NRXN2: variants seen among roughly 807,000 people sequenced by gnomAD.
NRXN2 encodes neurexin 2.
NRXN2 carries 29 observed loss-of-function variants against 128.8 expected under a neutral mutation model. The ratio of observed to expected loss-of-function variants is 0.23; its 90% CI spans 0.17 to 0.31. The LOEUF (loss-of-function observed/expected upper bound fraction) is 0.31, where lower values mean the gene tolerates loss of function less well. NRXN2 is among the 10% of genes least tolerant of loss of function. NRXN2 has a pLI of 1.00. For synonymous variants in NRXN2, 1,098 were observed against 1,075.2 expected (o/e 1.02, Z -0.41); for missense variants, 1,881 against 2,452.6 (o/e 0.77, Z 4.92).
At chr11:64,642,545 C>G (rs1388711635) in intron 17 of NRXN2, 1 of 1,608,354 alleles carries the variant, frequency 6.2e-7, no homozygotes, top group Non-Finnish European at 8.5e-7. Context: ...TTACCGTGGC[C>G]GCCGCGGGTG....
At chr11:64,643,280 C>T in intron 17 of NRXN2, 6 of 975,968 alleles carry the variant, frequency 6.1e-6, no homozygotes, top group Non-Finnish European at 7.2e-6. Flanking sequence ...AGGCGGGAGA[C>T]CGACGGCGAC....
intron 12 of NRXN2, among the ~76,000 whole-genome samples, chr11:64,652,510 T>C (rs2047614933): frequency 6.6e-6 from 1 of 152,102 alleles, no homozygotes; most frequent in Admixed American, 6.5e-5. Flanking sequence ...CACCCACACC[T>C]ATGACCAACA....
chr11:64,659,653 C>G (rs1222454817), intron 11 of NRXN2: 1 of 153,130 alleles, frequency 6.5e-6, no homozygotes, highest in Non-Finnish European at 1.5e-5. Flanking sequence ...TAATGTTGAA[C>G]AAGTCAATAC....
rs1423342493 is a variant in NRXN2, at chr11:64,688,711, G to C, written c.850+1694C>G. On this transcript the variant is annotated intron_variant, in intron 5 of 22. Transcript: ENST00000265459. ...GATGCTCGTTTATCTCCCACAGTTGGGGAGTCTGTAGCCCTACAAGTGTCC... is the reference window on the plus strand; with the variant it reads ...GATGCTCGTTTATCTCCCACAGTTGCGGAGTCTGTAGCCCTACAAGTGTCC... 1.0e-5 allele frequency: 10 copies of C among 985,188 alleles called. No homozygotes were observed. In the Admixed American group the frequency reaches 6.2e-4, roughly 61 times the overall value. 61.0% of individuals were successfully genotyped at this position (985,188 alleles called of 1,614,324 possible).
At chr11:64,613,714 TC>T (rs1055300109) in intron 22 of NRXN2, among the ~76,000 whole-genome samples, 5 of 152,144 alleles carry the variant, frequency 3.3e-5, no homozygotes, top group Non-Finnish European at 5.9e-5. Context: ...ACTACGGAGA[TC>T]CGGGGCTTAT....
At position 64,660,446 on chromosome 11, in the gene NRXN2, G is replaced by A. The variant is rs750644858; in HGVS notation, c.2275C>T (p.Arg759Cys). 20 of 1,614,192 alleles carry A rather than the reference G, an allele frequency of 1.2e-5. No homozygotes were observed. Among genetic ancestry groups the A allele is most frequent in the Admixed American group, 1.7e-5 (1 of 60,024 alleles). ...CCGTAGGCCCGCTGGGACATGAAAC[G>A]CAGGGACACATCCTCTGCCTCCGTG... ...MHTEAEDVSLRFMSQRAYGLM... is the reference protein window; with the variant it reads ...MHTEAEDVSLCFMSQRAYGLM... The change falls in exon 11 of 23, where the codon CGT (arginine) becomes TGT (cysteine). Residue 759 changes from arginine (R) to cysteine (C), a missense_variant. Physicochemically the swap from Arg to Cys is radical, Grantham distance 180. Transcript: ENST00000265459. The surrounding 1 kb of genome is among the most constrained non-coding windows in gnomAD (Gnocchi z 5.2).
chr11:64,667,314 T>C lies in NRXN2; in HGVS notation c.1734A>G (p.Ala578=), dbSNP rs1481083312. 6.2e-7 allele frequency: 1 copy of C among 1,614,240 alleles called. No individual in the cohort carries two copies. Among genetic ancestry groups the C allele is most frequent in the Non-Finnish European group, 8.5e-7 (1 of 1,180,046 alleles). Residue 578 remains alanine (A), a synonymous_variant, in exon 9 of 23, where the codon GCA becomes GCG. Transcript: ENST00000265459. The surrounding 1 kb of genome is among the most constrained non-coding windows in gnomAD (Gnocchi z 5.6). ...DMGSGGIKLR[A]SSRKVNDGEW... is the part of the protein sequence containing the mutation. ...CGCCATCATTGACCTTGCGGCTGGA[T>C]GCCCGCAGCTTGATGCCCCCAGATC...
intron 2 of NRXN2, among the ~76,000 whole-genome samples, chr11:64,698,326 T>C (rs772642971): frequency 1.2e-4 from 18 of 152,084 alleles, no homozygotes; most frequent in Non-Finnish European, 1.9e-4. Flanking sequence ...AATTCACATA[T>C]AAAGCCCCTG....
chr11:64,653,818 C>T (rs1184162810), intron 11 of NRXN2, 96 bp from the exon 12 acceptor site: 12 of 933,970 alleles, frequency 1.3e-5, no homozygotes, highest in African/African-American at 3.3e-5. Context: ...GGGGTGTCTG[C>T]GGGCGGGGTT....
intron 17 of NRXN2, chr11:64,643,352 C>G (rs1196976791): frequency 1.6e-4 from 12 of 73,334 alleles, no homozygotes; most frequent in Non-Finnish European, 2.0e-4. Flanking sequence ...AAGGAGGGAG[C>G]GGCCGGGGGA....
rs2042430899 is a variant in NRXN2, at chr11:64,622,082, G to A, written c.4173+671C>T. On this transcript the variant is annotated intron_variant, in intron 21 of 22. Coordinates refer to ENST00000265459, the MANE Select transcript of NRXN2 (RefSeq NM_015080.4). This position sits in a 1 kb window ranked among gnomAD's most constrained non-coding sequence, Gnocchi z 4.3. ...CAGGTGGGGTGAGCACCAGGGAACT[G>A]TCTGCACTGAGACCCCCTCAGACGC... Among the ~76,000 whole-genome samples the A allele has an allele frequency of 6.6e-6, 1 of 152,208 alleles. No individual in the cohort carries two copies. The highest frequency in any genetic ancestry group is 1.5e-5 in the Non-Finnish European group (1 of 68,036).
intron 2 of NRXN2, chr11:64,712,646 T>C: frequency 2.0e-6 from 1 of 509,778 alleles, no homozygotes; most frequent in South Asian, 1.6e-5. Context: ...TCACAGACCC[T>C]CACCCACCAA....
chr11:64,663,563 A>G (rs1346245084), intron 9 of NRXN2, among the ~76,000 whole-genome samples: 1 of 152,094 alleles, frequency 6.6e-6, no homozygotes, highest in Non-Finnish European at 1.5e-5. Flanking sequence ...CCACACCTCT[A>G]TTTATAGCCA....
At position 64,667,670 on chromosome 11, in the gene NRXN2, C is replaced by A. The variant is rs1427273070; in HGVS notation, c.1378G>T (p.Asp460Tyr). Residue 460 changes from aspartate to tyrosine, a missense_variant, in exon 9 of 23, where the codon GAC becomes TAC. Asp to Tyr is a radical substitution (Grantham distance 160, BLOSUM62 -3). Coordinates refer to ENST00000265459, the MANE Select transcript of NRXN2 (RefSeq NM_015080.4). This position sits in a 1 kb window ranked among gnomAD's most constrained non-coding sequence, Gnocchi z 5.6. ...AGGCGGGATAGTTCCAATTTGAAGTCATTGTTCTTATAGACCACCTGCAGG... is the reference window on the plus strand; with the variant it reads ...AGGCGGGATAGTTCCAATTTGAAGTAATTGTTCTTATAGACCACCTGCAGG... ...CLKDVVYKNN[D>Y]FKLELSRLAK... is the part of the protein sequence containing the mutation. The A allele has an allele frequency of 6.2e-7, 1 of 1,613,976 alleles. No individual in the cohort carries two copies. The highest frequency in any genetic ancestry group is 1.3e-5 in the African/African-American group (1 of 74,918).
Position 64,648,649 on chromosome 11 carries a change from A to G in NRXN2, c.3283+85T>C. 1 of 1,563,666 alleles carries G rather than the reference A, an allele frequency of 6.4e-7. No individual in the cohort carries two copies. The highest frequency in any genetic ancestry group is 8.8e-7 in the Non-Finnish European group (1 of 1,136,324). ...GAGAAGGAAGGCCCCTTGGCAGAGC[A>G]AAGGCTACCTGCCCCGGTCTGCCTC... is the stretch of plus-strand genomic sequence containing the variant. On this transcript the variant is annotated intron_variant, in intron 16 of 22. Transcript: ENST00000265459. This position sits in a 1 kb window ranked among gnomAD's most constrained non-coding sequence, Gnocchi z 4.1.
intron 6 of NRXN2, among the ~76,000 whole-genome samples, chr11:64,680,188 AC>A (rs976081475): frequency 3.9e-5 from 6 of 152,056 alleles, no homozygotes; most frequent in African/African-American, 1.2e-4. Flanking sequence ...ACAAAACTAT[AC>A]CCCATCTCCA....
At chr11:64,658,558 C>A (rs2048585689) in intron 11 of NRXN2, among the ~76,000 whole-genome samples, 1 of 152,230 alleles carries the variant, frequency 6.6e-6, no homozygotes. Context: ...CCAGTCCCCA[C>A]CTCTCTCAGC....
intron 21 of NRXN2, among the ~76,000 whole-genome samples, chr11:64,620,750 T>G (rs1480348765): frequency 6.7e-6 from 1 of 149,386 alleles, no homozygotes; most frequent in East Asian, 2.0e-4. Context: ...GGGCGGAGCC[T>G]GCAGAGGCCA....
intron 19 of NRXN2, 117 bp from the exon 20 acceptor site, chr11:64,626,669 G>A: frequency 1.2e-6 from 1 of 804,204 alleles, no homozygotes; most frequent in Non-Finnish European, 2.2e-6. Flanking sequence ...CACGGAAAGA[G>A]GGGAAGGGAG....
Sources: gnomAD v4.1 joint callset for allele counts (sites outside exome capture counted in the v4.1 genomes callset) on GRCh38, gnomAD v4.1.1 for gene constraint, Gnocchi (gnomAD v3.1) non-coding constraint, MANE v1.5 for transcripts, NCBI Gene and HGNC (gene_info 2026-07-23, HGNC 2026-07-21) for gene names.